POU2AF3: variants seen among roughly 807,000 people sequenced by gnomAD.
The protein encoded by POU2AF3 is cancer susceptibility candidate 13.
At chr11:111,305,245 C>T in the POU2AF3 span, among the ~76,000 whole-genome samples, 5 of 152,326 alleles carry the variant, frequency 3.3e-5, no homozygotes, top group Admixed American at 6.5e-5. Context: ...AGTTCCTCAT[C>T]GCCAAGTAAC....
At chr11:111,304,351 A>C in the POU2AF3 span, among the ~76,000 whole-genome samples, 1 of 152,188 alleles carries the variant, frequency 6.6e-6, no homozygotes, top group Non-Finnish European at 1.5e-5. Context: ...TAAATCGAAT[A>C]GTTTAATAGG....
the POU2AF3 span, chr11:111,298,826 G>GGGGGGGGGGGGGCCCC: frequency 1.3e-6 from 1 of 790,958 alleles, no homozygotes. Flanking sequence ...CGTACCCCAG[G>GGGGGGGGGGGGGCCCC]CCCCCGCCCG....
At chr11:111,299,348 T>A in the POU2AF3 span, 8 of 990,192 alleles carry the variant, frequency 8.1e-6, no homozygotes, top group East Asian at 8.8e-4. Flanking sequence ...TGCAGGGTAG[T>A]GGTCAGGGCC....
the POU2AF3 span, chr11:111,306,677 G>C: frequency 7.4e-7 from 1 of 1,342,938 alleles, no homozygotes; most frequent in Non-Finnish European, 1.0e-6. Context: ...TGGGGTAATA[G>C]TGCTTTGTGA....
At chr11:111,305,018 C>T in the POU2AF3 span, 1 of 1,198,668 alleles carries the variant, frequency 8.3e-7, no homozygotes, top group Non-Finnish European at 1.0e-6. Context: ...CCCTCAAACA[C>T]TCTTTCAAAA....
chr11:111,304,934 G>A, the POU2AF3 span: 44 of 1,232,680 alleles, frequency 3.6e-5, no homozygotes, highest in Non-Finnish European at 4.5e-5. Flanking sequence ...ACAGCGGTCC[G>A]GAGGCAGCAG....
chr11:111,300,476 C>T, the POU2AF3 span: 6 of 968,276 alleles, frequency 6.2e-6, no homozygotes, highest in East Asian at 1.6e-4. Context: ...CACTCTGCAC[C>T]CTGGCACCCA....
At chr11:111,298,693 C>A in the POU2AF3 span, 3 of 1,156,754 alleles carry the variant, frequency 2.6e-6, no homozygotes, top group South Asian at 1.3e-4. Context: ...GGCACAAAGT[C>A]AAGGCATGCG....
At chr11:111,303,194 C>T in the POU2AF3 span, among the ~76,000 whole-genome samples, 3 of 152,178 alleles carry the variant, frequency 2.0e-5, no homozygotes, top group Admixed American at 6.5e-5. Context: ...TTGGAACACT[C>T]GATTTTAAAA....
the POU2AF3 span, chr11:111,298,877 G>T: frequency 6.9e-5 from 80 of 1,153,584 alleles, no homozygotes; most frequent in East Asian, 2.6e-3. Context: ...GACACGCGGT[G>T]CGGACCCTGC....
chr11:111,308,146 A>C, the POU2AF3 span: 3 of 1,551,410 alleles, frequency 1.9e-6, no homozygotes, highest in Non-Finnish European at 2.6e-6. Flanking sequence ...AGCTGCCTTC[A>C]TATGCTCCAG....
chr11:111,307,867 A>T, the POU2AF3 span, among the ~76,000 whole-genome samples: 1 of 152,248 alleles, frequency 6.6e-6, no homozygotes. Flanking sequence ...GGAAAGAAAT[A>T]GGTAACTATA....
chr11:111,304,054 A>G, the POU2AF3 span, among the ~76,000 whole-genome samples: 3 of 152,208 alleles, frequency 2.0e-5, no homozygotes, highest in East Asian at 5.8e-4. Flanking sequence ...TAGTAGTACA[A>G]AACATACAAA....
At chr11:111,303,203 AAAAC>A in the POU2AF3 span, among the ~76,000 whole-genome samples, 1 of 152,266 alleles carries the variant, frequency 6.6e-6, no homozygotes, top group African/African-American at 2.4e-5. Context: ...TCGATTTTAA[AAAAC>A]TTATTTCAGC....
chr11:111,308,620 C>T, the POU2AF3 span: 1 of 496,036 alleles, frequency 2.0e-6, no homozygotes, highest in Non-Finnish European at 3.3e-6. Context: ...CAGCGCCACT[C>T]CTACTTTGTA....
At chr11:111,301,816 G>T in the POU2AF3 span, among the ~76,000 whole-genome samples, 1 of 152,174 alleles carries the variant, frequency 6.6e-6, no homozygotes, top group Admixed American at 6.5e-5. Flanking sequence ...CATTATTTGA[G>T]AAATAATAAT....
the POU2AF3 span, chr11:111,305,030 T>C: frequency 3.5e-6 from 4 of 1,151,736 alleles, no homozygotes. Flanking sequence ...CTTTCAAAAG[T>C]CCATCTCAAA....
chr11:111,300,180 T>A, the POU2AF3 span: 1 of 331,550 alleles, frequency 3.0e-6, no homozygotes, highest in Non-Finnish European at 5.4e-6. Context: ...AAAGCCAAGG[T>A]TCCCCCGACC....
the POU2AF3 span, among the ~76,000 whole-genome samples, chr11:111,307,153 G>A: frequency 1.3e-5 from 2 of 151,246 alleles, no homozygotes; most frequent in African/African-American, 2.4e-5. Context: ...GGTCTGAGAT[G>A]GTTAGTAAAA....
Sources: allele counts gnomAD v4.1 joint callset (sites outside exome capture counted in the v4.1 genomes callset), GRCh38; gene constraint gnomAD v4.1.1; transcripts MANE v1.5; gene names NCBI Gene and HGNC (gene_info 2026-07-23, HGNC 2026-07-21).